NALF1: variants seen among roughly 807,000 people sequenced by gnomAD.
NALF1 encodes the protein family with sequence similarity 155 member A.
In NALF1, 3 loss-of-function variants were observed where a neutral mutation model predicts 48.4. The ratio of observed to expected loss-of-function variants is 0.06; its 90% CI spans 0.03 to 0.16. The LOEUF (loss-of-function observed/expected upper bound fraction) is 0.16, where lower values mean the gene tolerates loss of function less well. Among genes scored for constraint, NALF1 ranks in the 10% least tolerant of loss-of-function variants. The pLI, the probability that NALF1 is intolerant of heterozygous loss-of-function variation, is 1.00. For synonymous variants in NALF1, 262 were observed against 245.7 expected (o/e 1.07, Z -0.62); for missense variants, 526 against 571.5 (o/e 0.92, Z 0.81).
At chr13:107,181,708 G>A (rs918384252) in intron 2 of NALF1, among the ~76,000 whole-genome samples, 5 of 149,300 alleles carry the variant, frequency 3.3e-5, no homozygotes, top group African/African-American at 9.9e-5. Context: ...AATGAGACAT[G>A]TATGTTTTAC....
At chr13:107,761,905 T>A (rs527698953) in intron 1 of NALF1, among the ~76,000 whole-genome samples, 13 of 152,346 alleles carry the variant, frequency 8.5e-5, no homozygotes, top group Admixed American at 7.8e-4. Context: ...ATTATGAGGA[T>A]TAAATGATTT....
intron 1 of NALF1, among the ~76,000 whole-genome samples, chr13:107,709,426 C>A (rs1188035114): frequency 6.6e-6 from 1 of 152,168 alleles, no homozygotes; most frequent in Non-Finnish European, 1.5e-5. Context: ...TAATTCATGA[C>A]ACCCTCTGTC....
intron 1 of NALF1, among the ~76,000 whole-genome samples, chr13:107,521,942 TAC>T (rs371749390): frequency 1.5e-3 from 225 of 145,876 alleles, no homozygotes; most frequent in South Asian, 2.8e-3. Flanking sequence ...CACACACACA[TAC>T]ACACACACAC....
At chr13:107,418,420 T>A (rs1471724239) in intron 1 of NALF1, among the ~76,000 whole-genome samples, 1 of 152,166 alleles carries the variant, frequency 6.6e-6, no homozygotes, top group Non-Finnish European at 1.5e-5. Flanking sequence ...TTGGGTTCAC[T>A]CTTTTTCTCT....
intron 1 of NALF1, among the ~76,000 whole-genome samples, chr13:107,706,450 T>C (rs975208714): frequency 5.5e-4 from 83 of 152,212 alleles, no homozygotes; most frequent in African/African-American, 2.0e-3. Context: ...ATGCATTCTT[T>C]TTAAGAAGAT....
chr13:107,705,725 T>G (rs1258606375), intron 1 of NALF1, among the ~76,000 whole-genome samples: 1 of 152,124 alleles, frequency 6.6e-6, no homozygotes, highest in Non-Finnish European at 1.5e-5. Context: ...ACAGGGTGAA[T>G]TAGCTACCTA....
chr13:107,678,144 C>T (rs970770590), intron 1 of NALF1, among the ~76,000 whole-genome samples: 4 of 152,144 alleles, frequency 2.6e-5, no homozygotes, highest in Admixed American at 6.5e-5. Flanking sequence ...AGACTATTTG[C>T]GAAGTCAGTG....
chr13:107,287,904 A>T (rs542698915), intron 1 of NALF1, among the ~76,000 whole-genome samples: 1 of 151,640 alleles, frequency 6.6e-6, no homozygotes, highest in East Asian at 2.0e-4. Flanking sequence ...ATGGGGTTTC[A>T]TCATCTTGGC....
At chr13:107,825,453 C>A (rs1380381250) in intron 1 of NALF1, among the ~76,000 whole-genome samples, 1 of 152,210 alleles carries the variant, frequency 6.6e-6, no homozygotes, top group Admixed American at 6.5e-5. Flanking sequence ...AATCTGTCAT[C>A]AGAATCTTCT....
chr13:107,340,152 C>G (rs577257523), intron 1 of NALF1, among the ~76,000 whole-genome samples: 3 of 147,582 alleles, frequency 2.0e-5, no homozygotes, highest in Admixed American at 7.1e-5. Flanking sequence ...TGTATACATT[C>G]CTTTAAATGC....
At chr13:107,318,104 G>GA (rs1156634605) in intron 1 of NALF1, among the ~76,000 whole-genome samples, 3 of 152,086 alleles carry the variant, frequency 2.0e-5, no homozygotes, top group East Asian at 3.9e-4. Context: ...AACTCTGTCA[G>GA]AAAAAAGCAA....
intron 1 of NALF1, among the ~76,000 whole-genome samples, chr13:107,268,417 A>C (rs1474281388): frequency 2.1e-5 from 3 of 140,068 alleles, no homozygotes; most frequent in Admixed American, 1.4e-4. Flanking sequence ...AAAATTGTAT[A>C]CAACACCCAC....
chr13:107,593,980 G>C (rs1285646587), intron 1 of NALF1, among the ~76,000 whole-genome samples: 2 of 151,966 alleles, frequency 1.3e-5, no homozygotes, highest in Admixed American at 6.6e-5. Context: ...TAGGCCCACA[G>C]ATAACATGAC....
intron 1 of NALF1, among the ~76,000 whole-genome samples, chr13:107,594,084 A>C (rs1350920867): frequency 6.6e-6 from 1 of 151,982 alleles, no homozygotes; most frequent in Non-Finnish European, 1.5e-5. Context: ...CTTTTCTTCA[A>C]ATCCAAATCC....
chr13:107,707,084 G>T (rs1440465484), intron 1 of NALF1, among the ~76,000 whole-genome samples: 1 of 151,124 alleles, frequency 6.6e-6, no homozygotes, highest in Admixed American at 6.6e-5. Context: ...CACTACGCCC[G>T]GCTAATTTTT....
intron 1 of NALF1, among the ~76,000 whole-genome samples, chr13:107,422,325 A>G (rs1884202960): frequency 6.6e-6 from 1 of 152,214 alleles, no homozygotes; most frequent in African/African-American, 2.4e-5. Flanking sequence ...TTACCTCAGT[A>G]CATGGACATG....
chr13:107,650,394 T>TAAAAAAAAAAAAAAAAAAAAAAAAAAAAA (rs11330259), intron 1 of NALF1, among the ~76,000 whole-genome samples: 1 of 107,650 alleles, frequency 9.3e-6, no homozygotes, highest in African/African-American at 3.2e-5. Context: ...CTGCAACCAT[T>TAAAAAAAAAAAAAAAAAAAAAAAAAAAAA]AAAAAAAAAA....
At chr13:107,701,270 G>A (rs1881811713) in intron 1 of NALF1, among the ~76,000 whole-genome samples, 1 of 152,090 alleles carries the variant, frequency 6.6e-6, no homozygotes, top group Non-Finnish European at 1.5e-5. Flanking sequence ...TAAAGCAAAT[G>A]TGGTATATAT....
intron 1 of NALF1, among the ~76,000 whole-genome samples, chr13:107,833,156 G>A (rs9555416): frequency 0.62 from 94,702 of 152,016 alleles, 32,112 homozygotes; most frequent in East Asian, 1. Flanking sequence ...GCCTCCTTTA[G>A]CATACCACTT....
Sources: gnomAD v4.1 joint callset for allele counts (sites outside exome capture counted in the v4.1 genomes callset) on GRCh38, gnomAD v4.1.1 for gene constraint, MANE v1.5 for transcripts, NCBI Gene and HGNC (gene_info 2026-07-23, HGNC 2026-07-21) for gene names.